DLG1: variants seen among roughly 807,000 people sequenced by gnomAD.
DLG1 encodes the protein disks large homolog 1.
A neutral mutation model predicts 123.4 loss-of-function variants in DLG1; 42 were observed. The ratio of observed to expected loss-of-function variants is 0.34; its 90% CI spans 0.27 to 0.44. DLG1 has a LOEUF of 0.44. DLG1 is among the 20% of genes least tolerant of loss of function. The pLI, the probability that DLG1 is intolerant of heterozygous loss-of-function variation, is 1.00. For missense variants in DLG1, 942 were observed against 1,082.6 expected (o/e 0.87, Z 1.82); for synonymous variants, 317 against 356.2 (o/e 0.89, Z 1.24).
chr3:197,083,738 G>A (rs374281270), intron 16 of DLG1, among the ~76,000 whole-genome samples: 17 of 152,230 alleles, frequency 1.1e-4, no homozygotes, highest in South Asian at 8.3e-4. Context: ...TGAGAAAATC[G>A]CTTGAAGCCA....
intron 15 of DLG1, among the ~76,000 whole-genome samples, chr3:197,086,091 T>C (rs1754184647): frequency 6.6e-6 from 1 of 152,102 alleles, no homozygotes; most frequent in African/African-American, 2.4e-5. Context: ...AGTATTAAGA[T>C]ACATTCTTCT....
chr3:197,194,705 G>A, intron 4 of DLG1, 116 bp from the exon 5 acceptor site: 4 of 572,832 alleles, frequency 7.0e-6, no homozygotes, highest in South Asian at 3.0e-5. Context: ...GTATATTTAT[G>A]GTTTAATACA....
chr3:197,049,093 C>T (rs1314544332), intron 24 of DLG1, among the ~76,000 whole-genome samples: 2 of 151,464 alleles, frequency 1.3e-5, no homozygotes, highest in Admixed American at 6.6e-5. Flanking sequence ...CTGAAGCAGG[C>T]GGATCACTTG....
At chr3:197,104,799 A>G in intron 14 of DLG1, 104 bp downstream of exon 14, 1 of 811,564 alleles carries the variant, frequency 1.2e-6, no homozygotes, top group Non-Finnish European at 2.0e-6. Flanking sequence ...AAAAAGCACA[A>G]AAAAGGAAGT....
intron 4 of DLG1, among the ~76,000 whole-genome samples, chr3:197,270,464 C>T (rs1763448483): frequency 6.6e-6 from 1 of 152,034 alleles, no homozygotes; most frequent in Admixed American, 6.6e-5. Flanking sequence ...TAAACTTTAG[C>T]CTGTCTTTTT....
chr3:197,106,659 G>T (rs569489944), intron 13 of DLG1, among the ~76,000 whole-genome samples: 1 of 152,226 alleles, frequency 6.6e-6, no homozygotes, highest in African/African-American at 2.4e-5. Flanking sequence ...GAATGTTAAT[G>T]AATTATTTCT....
At chr3:197,218,869 C>T (rs77590026) in intron 4 of DLG1, among the ~76,000 whole-genome samples, 6,113 of 152,290 alleles carry the variant, frequency 0.04, 175 homozygotes, top group Non-Finnish European at 0.054. Flanking sequence ...CGATGGCTCA[C>T]GCCTGTAAGC....
At chr3:197,216,892 T>G (rs1214206375) in intron 4 of DLG1, among the ~76,000 whole-genome samples, 1 of 152,182 alleles carries the variant, frequency 6.6e-6, no homozygotes, top group Non-Finnish European at 1.5e-5. Flanking sequence ...ATTTTACAAC[T>G]ACTAGCTGAT....
chr3:197,119,817 G>A (rs1379793697), intron 11 of DLG1, among the ~76,000 whole-genome samples: 1 of 152,144 alleles, frequency 6.6e-6, no homozygotes, highest in African/African-American at 2.4e-5. Context: ...AAATTTGATT[G>A]TGAATAATAA....
At chr3:197,055,085 G>T (rs758791795) in intron 23 of DLG1, among the ~76,000 whole-genome samples, 44 of 152,072 alleles carry the variant, frequency 2.9e-4, no homozygotes, top group Non-Finnish European at 5.7e-4. Flanking sequence ...AAAGTGCTGG[G>T]GTTACAGGCG....
At chr3:197,108,571 A>AAT (rs1343226644) in intron 13 of DLG1, among the ~76,000 whole-genome samples, 1 of 138,742 alleles carries the variant, frequency 7.2e-6, no homozygotes, top group African/African-American at 2.7e-5. Flanking sequence ...ATAACTATAA[A>AAT]ATATATACCA....
chr3:197,076,664 T>A lies in DLG1; in HGVS notation c.1927A>T (p.Lys643Ter). The A allele has an allele frequency of 3.1e-6, 5 of 1,612,860 alleles. No homozygotes were observed. Among genetic ancestry groups the A allele is most frequent in the Non-Finnish European group, 3.4e-6 (4 of 1,179,116 alleles). The change falls in exon 18 of 25, where the codon AAA becomes TAA. Residue 643 changes from lysine to a stop codon, truncating the protein, a stop_gained. Coordinates refer to ENST00000667157, the MANE Select transcript of DLG1 (RefSeq NM_001366207.1). LOFTEE classifies it high-confidence loss of function. The stretch of plus-strand genomic sequence containing the variant: ...AATTTTCGGGAAAAGAGGTTCTTTT[T>A]ACGCTTGTCATTGAATGACTGCTGA... ...DKGQSFNDKR[K>*]KNLFSRKFPF...
At chr3:197,188,221 G>C (rs1009874129) in intron 5 of DLG1, among the ~76,000 whole-genome samples, 8 of 152,078 alleles carry the variant, frequency 5.3e-5, no homozygotes, top group Non-Finnish European at 8.8e-5. Context: ...TCTTGTGATT[G>C]TCACCCTTCC....
chr3:197,083,140 T>C (rs1752205245), intron 16 of DLG1, among the ~76,000 whole-genome samples: 2 of 152,228 alleles, frequency 1.3e-5, no homozygotes, highest in Non-Finnish European at 2.9e-5. Context: ...TCTAGCCAAA[T>C]AGTTGGATCA....
At chr3:197,058,702 T>C (rs1733617532) in intron 23 of DLG1, among the ~76,000 whole-genome samples, 2 of 152,258 alleles carry the variant, frequency 1.3e-5, no homozygotes, top group South Asian at 2.1e-4. Context: ...GTTTAACAGA[T>C]GTCAAATAGG....
At chr3:197,044,994 T>TAG (rs1263754187) in intron 24 of DLG1, among the ~76,000 whole-genome samples, 4 of 152,176 alleles carry the variant, frequency 2.6e-5, no homozygotes, top group Non-Finnish European at 5.9e-5. Context: ...GAGCATATAT[T>TAG]AGCTTTATTA....
chr3:197,237,522 T>G (rs887372782), intron 4 of DLG1, among the ~76,000 whole-genome samples: 2 of 152,112 alleles, frequency 1.3e-5, no homozygotes, highest in African/African-American at 4.8e-5. Context: ...AGAAAAAAAC[T>G]CTGTCACCAA....
chr3:197,157,838 A>G (rs2149839856), intron 5 of DLG1, among the ~76,000 whole-genome samples: 1 of 152,360 alleles, frequency 6.6e-6, no homozygotes, highest in South Asian at 2.1e-4. Flanking sequence ...TGGCATGCAG[A>G]CAGACATACA....
chr3:197,102,107 G>A (rs987709895), intron 14 of DLG1, among the ~76,000 whole-genome samples: 2 of 152,116 alleles, frequency 1.3e-5, no homozygotes, highest in Non-Finnish European at 2.9e-5. Context: ...GCCCCCCAAA[G>A]TGAATTATTC....
Sources: allele counts gnomAD v4.1 joint callset (sites outside exome capture counted in the v4.1 genomes callset), GRCh38; gene constraint gnomAD v4.1.1; transcripts MANE v1.5; gene names NCBI Gene and HGNC (gene_info 2026-07-23, HGNC 2026-07-21).